ENTREP2: variants seen among roughly 807,000 people sequenced by gnomAD.
ENTREP2 encodes the protein protein ENTREP2.
At chr15:29,598,791 G>C in the ENTREP2 span, among the ~76,000 whole-genome samples, 1 of 152,112 alleles carries the variant, frequency 6.6e-6, no homozygotes, top group Non-Finnish European at 1.5e-5. Flanking sequence ...TCACCTCTCA[G>C]GTTCACGCTG....
At chr15:29,570,404 G>A in the ENTREP2 span, 23 of 730,524 alleles carry the variant, frequency 3.1e-5, no homozygotes, top group Admixed American at 4.9e-5. Context: ...GTTGGCCGCC[G>A]GAACTTGCCG....
chr15:29,436,709 C>T, the ENTREP2 span, among the ~76,000 whole-genome samples: 148 of 152,244 alleles, frequency 9.7e-4, no homozygotes, highest in African/African-American at 3.4e-3. Context: ...GAAATGCATT[C>T]GGAAGCTTGA....
the ENTREP2 span, among the ~76,000 whole-genome samples, chr15:29,579,605 C>T: frequency 6.7e-6 from 1 of 149,998 alleles, no homozygotes; most frequent in South Asian, 2.1e-4. Context: ...CTGCCATCTC[C>T]ACCTCCTGGA....
At chr15:29,428,409 T>G in the ENTREP2 span, among the ~76,000 whole-genome samples, 1 of 151,998 alleles carries the variant, frequency 6.6e-6, no homozygotes, top group Non-Finnish European at 1.5e-5. Context: ...GAGATGGGGT[T>G]TCACCATGTT....
At chr15:29,577,343 TGTGTGTGA>T in the ENTREP2 span, among the ~76,000 whole-genome samples, 20 of 129,890 alleles carry the variant, frequency 1.5e-4, no homozygotes, top group Admixed American at 2.4e-4. Context: ...TGTGTGTGTG[TGTGTGTGA>T]GAGAGAGAAA....
At chr15:29,499,100 C>T in the ENTREP2 span, among the ~76,000 whole-genome samples, 11 of 152,204 alleles carry the variant, frequency 7.2e-5, no homozygotes, top group East Asian at 1.9e-3. Context: ...TCTATTCAGC[C>T]AATCTGTCTT....
the ENTREP2 span, among the ~76,000 whole-genome samples, chr15:29,404,566 C>G: frequency 6.6e-6 from 1 of 151,914 alleles, no homozygotes; most frequent in Non-Finnish European, 1.5e-5. Context: ...GCTTCCTCCC[C>G]CACTCACACT....
the ENTREP2 span, among the ~76,000 whole-genome samples, chr15:29,464,806 C>G: frequency 2.6e-5 from 4 of 152,190 alleles, no homozygotes; most frequent in African/African-American, 9.6e-5. Context: ...GAGCTCCGGC[C>G]CAGCCTGGAT....
chr15:29,446,950 A>C, the ENTREP2 span, among the ~76,000 whole-genome samples: 1 of 152,268 alleles, frequency 6.6e-6, no homozygotes, highest in South Asian at 2.1e-4. Flanking sequence ...TCTCACCCAG[A>C]TAATCCAGGA....
chr15:29,464,522 CT>C, the ENTREP2 span, among the ~76,000 whole-genome samples: 2 of 152,300 alleles, frequency 1.3e-5, no homozygotes, highest in South Asian at 4.1e-4. Flanking sequence ...CAGGCCAGAT[CT>C]GAGAGGGGAC....
chr15:29,282,661 C>T, the ENTREP2 span, among the ~76,000 whole-genome samples: 1 of 152,184 alleles, frequency 6.6e-6, no homozygotes, highest in Non-Finnish European at 1.5e-5. Flanking sequence ...CATTGCCTGT[C>T]GCTGATCCCT....
the ENTREP2 span, among the ~76,000 whole-genome samples, chr15:29,198,863 T>G: frequency 6.6e-6 from 1 of 152,252 alleles, no homozygotes. Context: ...TCATACAATA[T>G]TTTTAGTATT....
At chr15:29,368,607 C>T in the ENTREP2 span, among the ~76,000 whole-genome samples, 6 of 152,116 alleles carry the variant, frequency 3.9e-5, no homozygotes, top group South Asian at 2.1e-4. Context: ...CATGGTTGCT[C>T]ATACCTGTAA....
chr15:29,205,586 T>C, the ENTREP2 span, among the ~76,000 whole-genome samples: 1 of 152,228 alleles, frequency 6.6e-6, no homozygotes, highest in African/African-American at 2.4e-5. Flanking sequence ...GTTGTGCACC[T>C]TTTCATGTGC....
chr15:29,373,063 T>TA, the ENTREP2 span, among the ~76,000 whole-genome samples: 2 of 151,954 alleles, frequency 1.3e-5, no homozygotes, highest in Non-Finnish European at 2.9e-5. Flanking sequence ...GTGTATATTT[T>TA]AAAAAGACAC....
chr15:29,220,658 T>C, the ENTREP2 span, among the ~76,000 whole-genome samples: 1 of 152,186 alleles, frequency 6.6e-6, no homozygotes. Flanking sequence ...TAGAACTCCT[T>C]TAAAATCTCA....
chr15:29,563,257 G>C, the ENTREP2 span, among the ~76,000 whole-genome samples: 2 of 152,048 alleles, frequency 1.3e-5, no homozygotes, highest in East Asian at 1.9e-4. Flanking sequence ...CTATTGCTTT[G>C]TTTTTCTGTC....
At chr15:29,450,089 G>T in the ENTREP2 span, among the ~76,000 whole-genome samples, 1 of 152,102 alleles carries the variant, frequency 6.6e-6, no homozygotes, top group East Asian at 1.9e-4. Context: ...ACTTTTTAAT[G>T]AGTTTCTTAG....
At chr15:29,505,728 G>C in the ENTREP2 span, among the ~76,000 whole-genome samples, 3 of 152,294 alleles carry the variant, frequency 2.0e-5, no homozygotes, top group African/African-American at 7.2e-5. This position sits in a 1 kb window ranked among gnomAD's most constrained non-coding sequence, Gnocchi z 4.3. Context: ...CAACAAAAAG[G>C]ATGACCAAGC....
Sources: allele counts gnomAD v4.1 joint callset (sites outside exome capture counted in the v4.1 genomes callset), GRCh38; gene constraint gnomAD v4.1.1; non-coding constraint Gnocchi (gnomAD v3.1); transcripts MANE v1.5; gene names NCBI Gene and HGNC (gene_info 2026-07-23, HGNC 2026-07-21).